AGAP1: variants seen among roughly 807,000 people sequenced by gnomAD.
The protein encoded by AGAP1 is ArfGAP with GTPase domain, ankyrin repeat and PH domain 1.
A neutral mutation model predicts 105.3 loss-of-function variants in AGAP1; 29 were observed. The ratio of observed to expected loss-of-function variants is 0.28; its 90% CI spans 0.21 to 0.38. The LOEUF is 0.38. Ranked by LOEUF, AGAP1 falls within the 10% of genes least tolerant of loss-of-function variation. AGAP1 has a pLI of 1.00. For synonymous variants in AGAP1, 509 were observed against 485.9 expected, an observed-to-expected ratio of 1.05 and a Z score of -0.63; for missense variants, 998 against 1,165.1, an observed-to-expected ratio of 0.86 and a Z score of 2.09.
chr2:235,884,378 C>A lies in AGAP1; in HGVS notation c.1155+929C>A, dbSNP rs1005694998. ...TATAATATGTAATAGAATGTAAATT[C>A]TCTGTAAATAGTTGCTATACTATTG... On this transcript the variant is annotated intron_variant, in intron 10 of 17. Transcript: ENST00000304032. 2.6e-5 allele frequency among the ~76,000 whole-genome samples: 4 copies of A among 151,260 alleles called. No individual in the cohort carries two copies. In the East Asian group the frequency reaches 7.8e-4, roughly 29 times the overall value.
chr2:235,653,703 A>G (rs548796763), intron 1 of AGAP1, among the ~76,000 whole-genome samples: 1 of 152,220 alleles, frequency 6.6e-6, no homozygotes, highest in Non-Finnish European at 1.5e-5. Context: ...GAGCATAAAC[A>G]AAATTGTTGA....
chr2:235,981,037 A>C lies in AGAP1; in HGVS notation c.1645+12414A>C, dbSNP rs1181910666. On this transcript the variant is annotated intron_variant, in intron 13 of 17. Transcript: ENST00000304032. This position sits in a 1 kb window ranked among gnomAD's most constrained non-coding sequence, Gnocchi z 5.5. Reference sequence around the variant, plus strand: ...TTGTCTTACGGATTGTCTTAGAATGATTAGGAAAACTTCTAAGGTGTTTTA... The same window carrying C: ...TTGTCTTACGGATTGTCTTAGAATGCTTAGGAAAACTTCTAAGGTGTTTTA... 6.6e-6 allele frequency among the ~76,000 whole-genome samples: 1 copy of C among 152,156 alleles called. No individual in the cohort carries two copies. Among genetic ancestry groups the C allele is most frequent in the Non-Finnish European group, 1.5e-5 (1 of 68,026 alleles).
chr2:235,519,589 A>G (rs1344064021), intron 1 of AGAP1, among the ~76,000 whole-genome samples: 3 of 152,172 alleles, frequency 2.0e-5, no homozygotes, highest in Non-Finnish European at 2.9e-5. Flanking sequence ...TTGTGTGTGC[A>G]TAGTGAACAA....
At chr2:235,780,073 G>A (rs1420568463) in intron 6 of AGAP1, among the ~76,000 whole-genome samples, 5 of 152,188 alleles carry the variant, frequency 3.3e-5, no homozygotes, top group African/African-American at 1.2e-4. Context: ...TAGCCTAAAA[G>A]AGTGTTTGAA....
In AGAP1 at chr2:235,777,475, G is replaced by A. The variant is rs935989143; in HGVS notation, c.674-20284G>A. On this transcript the variant is annotated intron_variant, in intron 6 of 17. Coordinates refer to ENST00000304032, the MANE Select transcript of AGAP1 (RefSeq NM_001037131.3). The surrounding 1 kb of genome is among the most constrained non-coding windows in gnomAD (Gnocchi z 5.1). ...GGGGCTGATTCCCACCTGCCTCCTC[G>A]TTATCAGCAGGCAGCCTTGCGTCTG... 2.0e-5 allele frequency among the ~76,000 whole-genome samples: 3 copies of A among 152,212 alleles called. No homozygotes were observed. The highest frequency in any genetic ancestry group is 4.4e-5 in the Non-Finnish European group (3 of 68,026).
At chr2:235,530,303 G>A (rs1174969803) in intron 1 of AGAP1, among the ~76,000 whole-genome samples, 1 of 152,094 alleles carries the variant, frequency 6.6e-6, no homozygotes, top group African/African-American at 2.4e-5. Flanking sequence ...GTGATATCCC[G>A]TTAGACTGTG....
In AGAP1 at chr2:235,648,465, G is replaced by A. The variant is rs375432295; in HGVS notation, c.164-60714G>A. Among the ~76,000 whole-genome samples, 8 of 152,234 alleles carry A rather than the reference G, an allele frequency of 5.3e-5. No homozygotes were observed. The South Asian group carries it at 1.0e-3, about 20-fold the overall frequency. On this transcript the variant is annotated intron_variant, in intron 1 of 17. Coordinates refer to ENST00000304032, the MANE Select transcript of AGAP1 (RefSeq NM_001037131.3). ...CAAGCACCTTGATTCAGAGTTTCAC[G>A]AGACTAAGGTGAGGTTACCTTTCCC... is the stretch of plus-strand genomic sequence containing the variant.
At chr2:235,523,942 G>A (rs1405298581) in intron 1 of AGAP1, among the ~76,000 whole-genome samples, 1 of 151,568 alleles carries the variant, frequency 6.6e-6, no homozygotes, top group Non-Finnish European at 1.5e-5. Context: ...GGATGACCCT[G>A]CACGGATGAG....
intron 13 of AGAP1, among the ~76,000 whole-genome samples, chr2:236,024,297 A>C (rs1310805542): frequency 6.6e-6 from 1 of 152,068 alleles, no homozygotes; most frequent in African/African-American, 2.4e-5. Flanking sequence ...TTGGCCTCCC[A>C]AAGTGTTAGG....
rs1312330880 is a variant in AGAP1 at position 236,073,186 on chromosome 2, G to C, written c.2114+23905G>C. 6.6e-6 allele frequency among the ~76,000 whole-genome samples: 1 copy of C among 151,966 alleles called. No individual in the cohort carries two copies. The highest frequency in any genetic ancestry group is 1.5e-5 in the Non-Finnish European group (1 of 67,996). ...AATTTTTGTATTTTTTAGTAGAGAC[G>C]GGGTTTCTCCATATTGGCCAGGCTG... is the stretch of plus-strand genomic sequence containing the variant. On this transcript the variant is annotated intron_variant, in intron 16 of 17. Coordinates refer to ENST00000304032, the MANE Select transcript of AGAP1 (RefSeq NM_001037131.3). The surrounding 1 kb of genome is among the most constrained non-coding windows in gnomAD (Gnocchi z 5.4).
chr2:235,495,168 G>A (rs928923243), intron 1 of AGAP1, among the ~76,000 whole-genome samples: 1 of 152,196 alleles, frequency 6.6e-6, no homozygotes, highest in African/African-American at 2.4e-5. Context: ...GACGCCTGGG[G>A]GCAGCCGGCG....
intron 2 of AGAP1, among the ~76,000 whole-genome samples, chr2:235,709,765 T>C (rs1950747074): frequency 6.6e-6 from 1 of 152,214 alleles, no homozygotes; most frequent in Non-Finnish European, 1.5e-5. Flanking sequence ...ACCCTTTCGG[T>C]GAAATTATGT....
chr2:236,131,710 G>T lies in AGAP1; in HGVS notation c.*7588G>T, dbSNP rs2125999813. 1 of 151,998 alleles carries T rather than the reference G, an allele frequency of 6.6e-6. No individual in the cohort carries two copies. Among genetic ancestry groups the T allele is most frequent in the East Asian group, 1.9e-4 (1 of 5,184 alleles). 9.4% of individuals were successfully genotyped at this position (151,998 alleles called of 1,614,324 possible). On this transcript the variant is annotated 3_prime_UTR_variant, in exon 18 of 18. Coordinates refer to ENST00000304032, the MANE Select transcript of AGAP1 (RefSeq NM_001037131.3). The surrounding 1 kb of genome is among the most constrained non-coding windows in gnomAD (Gnocchi z 5.9). ...GCTGTACAGTATTCTAAGGGAAAAA[G>T]AAAAAGAAAGATGTGTAAAGTAACA...
chr2:236,015,444 TCA>T (rs2056663429), intron 13 of AGAP1, among the ~76,000 whole-genome samples: 1 of 152,236 alleles, frequency 6.6e-6, no homozygotes, highest in South Asian at 2.1e-4. Flanking sequence ...GTGCCAAAGT[TCA>T]CAAATTGACT....
In AGAP1 at chr2:235,904,871, C is replaced by T. The variant is rs1358123213; in HGVS notation, c.1156-3867C>T. On this transcript the variant is annotated intron_variant, in intron 10 of 17. Transcript: ENST00000304032. The surrounding 1 kb of genome is among the most constrained non-coding windows in gnomAD (Gnocchi z 4.2). Reference sequence around the variant, plus strand: ...CCCACCTGTGTGTGAAGCGCTGAGTCGGAGGGCTTTTATTGAGTAGGAAAT... The same window carrying T: ...CCCACCTGTGTGTGAAGCGCTGAGTTGGAGGGCTTTTATTGAGTAGGAAAT... Among the ~76,000 whole-genome samples, 2 of 152,028 alleles carry T rather than the reference C, an allele frequency of 1.3e-5. No individual in the cohort carries two copies. Among genetic ancestry groups the T allele is most frequent in the African/African-American group, 4.8e-5 (2 of 41,378 alleles).
rs1337199481 is a variant in AGAP1, at chr2:235,653,484, TAAAATAAAATAAAATATAAC to T, written c.164-55693_164-55674del. Among the ~76,000 whole-genome samples the T allele has an allele frequency of 2.6e-4, 33 of 129,074 alleles. No homozygotes were observed. In the East Asian group the frequency reaches 7.9e-3, roughly 31 times the overall value. 84.7% of individuals were successfully genotyped at this position (129,074 alleles called of 152,430 possible). On this transcript the variant is annotated intron_variant, in intron 1 of 17. Transcript: ENST00000304032. ...CATCTCAAAAATAAATAAAATAAAATAAAATAAAATAAAATATAACATAACATAACATAACATAACATAAA... is the reference window on the plus strand; with the variant it reads ...CATCTCAAAAATAAATAAAATAAAATATAACATAACATAACATAACATAAA...
intron 6 of AGAP1, among the ~76,000 whole-genome samples, chr2:235,762,014 C>T (rs1954482388): frequency 6.7e-6 from 1 of 149,922 alleles, no homozygotes; most frequent in South Asian, 2.1e-4. Context: ...GAGGCTGAGG[C>T]AGGAGAATCG....
chr2:236,054,884 C>T (rs1287414104), intron 16 of AGAP1, among the ~76,000 whole-genome samples: 3 of 152,186 alleles, frequency 2.0e-5, no homozygotes, highest in East Asian at 3.9e-4. Context: ...GCCCCCTCCC[C>T]GGCTGCCCTC....
intron 13 of AGAP1, among the ~76,000 whole-genome samples, chr2:236,033,937 C>T (rs1342079413): frequency 6.6e-6 from 1 of 152,074 alleles, no homozygotes; most frequent in African/African-American, 2.4e-5. Context: ...AGCTTTGATA[C>T]ATGCATTTGA....
Sources: gnomAD v4.1 joint callset for allele counts (sites outside exome capture counted in the v4.1 genomes callset) on GRCh38, gnomAD v4.1.1 for gene constraint, Gnocchi (gnomAD v3.1) non-coding constraint, MANE v1.5 for transcripts, NCBI Gene and HGNC (gene_info 2026-07-23, HGNC 2026-07-21) for gene names.